Variants in ACTR3C observed in about 807,000 individuals in gnomAD.
ACTR3C encodes the protein actin-related protein 3C.
A neutral mutation model predicts 26.3 loss-of-function variants in ACTR3C; 18 were observed. That is an observed-to-expected ratio of 0.68 (90% CI 0.47 to 1.01). ACTR3C has a LOEUF of 1.01. ACTR3C is among the 50% of genes least tolerant of loss of function. The pLI, the probability that ACTR3C is intolerant of heterozygous loss-of-function variation, is 0.00. For synonymous variants in ACTR3C, 55 were observed against 94.5 expected (o/e 0.58, Z 2.42); for missense variants, 184 against 250.7 (o/e 0.73, Z 1.80).
chr7:150,316,652 AT>A (rs1379003763), intron 1 of ACTR3C, among the ~76,000 whole-genome samples: 3 of 151,908 alleles, frequency 2.0e-5, no homozygotes, highest in Non-Finnish European at 4.4e-5. Flanking sequence ...CGCTCAGCTA[AT>A]TTTTGTATTT....
the ACTR3C span, chr7:150,003,142 GTGTT>G: frequency 2.6e-5 from 4 of 152,214 alleles, no homozygotes; most frequent in African/African-American, 7.2e-5. Flanking sequence ...GTGTGTGTGT[GTGTT>G]TGTGTGTGTA....
the ACTR3C span, among the ~76,000 whole-genome samples, chr7:150,125,502 T>G: frequency 5.9e-5 from 9 of 151,930 alleles, no homozygotes; most frequent in Non-Finnish European, 1.0e-4. Context: ...TTTCTAATGA[T>G]CTATCCCCAG....
chr7:150,080,517 T>TG, the ACTR3C span, among the ~76,000 whole-genome samples: 21 of 148,868 alleles, frequency 1.4e-4, no homozygotes, highest in South Asian at 6.4e-4. Flanking sequence ...GTATGAGTGT[T>TG]TGTGTGTGTA....
At chr7:150,221,836 T>C in the ACTR3C span, among the ~76,000 whole-genome samples, 1 of 151,742 alleles carries the variant, frequency 6.6e-6, no homozygotes, top group East Asian at 1.9e-4. Context: ...CTACTAAAAA[T>C]ACAAAAACAA....
the ACTR3C span, among the ~76,000 whole-genome samples, chr7:150,029,693 T>G: frequency 1.3e-5 from 2 of 151,870 alleles, no homozygotes; most frequent in African/African-American, 4.8e-5. Flanking sequence ...CTTCCAATTT[T>G]CAAATGACTC....
the ACTR3C span, among the ~76,000 whole-genome samples, chr7:149,954,622 A>C: frequency 6.6e-6 from 1 of 151,978 alleles, no homozygotes; most frequent in South Asian, 2.1e-4. Context: ...ACGTTGTGTT[A>C]ATTTCACTTA....
chr7:150,004,027 G>A, the ACTR3C span, among the ~76,000 whole-genome samples: 13 of 151,946 alleles, frequency 8.6e-5, no homozygotes, highest in Non-Finnish European at 1.8e-4. Flanking sequence ...TGTGGTATTT[G>A]ATGTGTGTGT....
At chr7:150,254,716 C>T (rs1833088795) in intron 6 of ACTR3C, among the ~76,000 whole-genome samples, 1 of 152,086 alleles carries the variant, frequency 6.6e-6, no homozygotes, top group Non-Finnish European at 1.5e-5. Flanking sequence ...GTTGCTCAGG[C>T]AGGTGGATTT....
At chr7:150,243,987 G>A (rs1832328286), downstream of ACTR3C, 1 of 151,782 alleles carries the variant, frequency 6.6e-6, no homozygotes, top group Admixed American at 6.6e-5. Context: ...ACCTCTGAGT[G>A]TAGGACAAAT....
chr7:150,155,717 C>T, the ACTR3C span, among the ~76,000 whole-genome samples: 1 of 138,288 alleles, frequency 7.2e-6, no homozygotes, highest in Admixed American at 7.3e-5. Flanking sequence ...GCAGAGGGTC[C>T]CTGAAGAAGT....
At chr7:150,057,464 GGGGTAGAGACA>G in the ACTR3C span, among the ~76,000 whole-genome samples, 14 of 152,120 alleles carry the variant, frequency 9.2e-5, no homozygotes, top group South Asian at 2.9e-3. Flanking sequence ...ATTTTTAGCT[GGGGTAGAGACA>G]GGGTTTCACC....
chr7:150,111,851 C>T, the ACTR3C span, among the ~76,000 whole-genome samples: 1 of 150,062 alleles, frequency 6.7e-6, no homozygotes. Context: ...GCGGAGAAAT[C>T]CCCGTGTAAT....
the ACTR3C span, among the ~76,000 whole-genome samples, chr7:150,065,644 C>T: frequency 3.3e-4 from 50 of 151,682 alleles, no homozygotes; most frequent in South Asian, 9.6e-3. Flanking sequence ...GCCTCAGGGT[C>T]GGATGGGGAG....
the ACTR3C span, among the ~76,000 whole-genome samples, chr7:150,181,843 T>C: frequency 6.6e-6 from 1 of 150,618 alleles, no homozygotes; most frequent in African/African-American, 2.5e-5. Context: ...AAATTGAGTA[T>C]AATTGATTCA....
the ACTR3C span, among the ~76,000 whole-genome samples, chr7:150,074,527 G>C: frequency 6.6e-6 from 1 of 151,454 alleles, no homozygotes; most frequent in Admixed American, 6.6e-5. Flanking sequence ...TGGCACCTGC[G>C]TACCTGACCT....
At chr7:150,225,632 A>G in the ACTR3C span, among the ~76,000 whole-genome samples, 1 of 152,172 alleles carries the variant, frequency 6.6e-6, no homozygotes, top group East Asian at 1.9e-4. Flanking sequence ...CTCATTTCCA[A>G]AGTTGCTTAT....
At chr7:150,167,601 A>C in the ACTR3C span, among the ~76,000 whole-genome samples, 1 of 150,836 alleles carries the variant, frequency 6.6e-6, no homozygotes, top group Non-Finnish European at 1.5e-5. Flanking sequence ...TGCTACACAC[A>C]TGGATGAGAA....
downstream of ACTR3C, among the ~76,000 whole-genome samples, chr7:150,243,664 C>T (rs1340127458): frequency 1.3e-5 from 2 of 152,060 alleles, no homozygotes; most frequent in East Asian, 3.9e-4. Context: ...CTACACAATC[C>T]TCCCATATAC....
the ACTR3C span, among the ~76,000 whole-genome samples, chr7:149,975,029 AC>A: frequency 2.0e-5 from 3 of 152,174 alleles, no homozygotes; most frequent in African/African-American, 4.8e-5. Context: ...TGGCGGGAAC[AC>A]CTACATTAGA....
Sources: allele counts gnomAD v4.1 joint callset (sites outside exome capture counted in the v4.1 genomes callset), GRCh38; gene constraint gnomAD v4.1.1; transcripts MANE v1.5; gene names NCBI Gene and HGNC (gene_info 2026-07-23, HGNC 2026-07-21).